LRP1B: variants seen among roughly 807,000 people sequenced by gnomAD.
The protein encoded by LRP1B is low-density lipoprotein receptor-related protein 1B.
A neutral mutation model predicts 556.6 loss-of-function variants in LRP1B; 217 were observed. That is an observed-to-expected ratio of 0.39 (90% confidence interval 0.35 to 0.44). The LOEUF is 0.44. LRP1B is among the 20% of genes least tolerant of loss of function. The probability of loss-of-function intolerance (pLI) is 1.00; values close to 1 mark genes in which losing one functional copy is unlikely to be tolerated. For missense variants in LRP1B, 5,053 were observed against 5,620.8 expected, an observed-to-expected ratio of 0.90 and a Z score of 3.23; for synonymous variants, 2,047 against 1,865.8, an observed-to-expected ratio of 1.10 and a Z score of -2.50.
At chr2:141,856,972 C>T (rs924513923) in intron 1 of LRP1B, among the ~76,000 whole-genome samples, 1 of 151,008 alleles carries the variant, frequency 6.6e-6, no homozygotes, top group African/African-American at 2.4e-5. Flanking sequence ...GGTTGTGTGG[C>T]CTGGACTGTA....
chr2:141,381,737 A>C (rs533250380), intron 3 of LRP1B, among the ~76,000 whole-genome samples: 36 of 152,298 alleles, frequency 2.4e-4, no homozygotes, highest in African/African-American at 8.7e-4. Flanking sequence ...AGGATAATAT[A>C]CTCAGAGTCC....
chr2:141,792,069 C>A (rs940682330), intron 2 of LRP1B, among the ~76,000 whole-genome samples: 1 of 151,340 alleles, frequency 6.6e-6, no homozygotes, highest in African/African-American at 2.4e-5. Context: ...GTATCAGTGC[C>A]GAATCCCAAG....
intron 1 of LRP1B, among the ~76,000 whole-genome samples, chr2:141,876,918 TGA>T (rs1367207949): frequency 6.6e-6 from 1 of 151,962 alleles, no homozygotes; most frequent in Non-Finnish European, 1.5e-5. Context: ...ACTTTGGCAT[TGA>T]ATCAATCTAA....
intron 1 of LRP1B, among the ~76,000 whole-genome samples, chr2:141,976,015 A>G (rs1237454157): frequency 1.3e-5 from 2 of 150,344 alleles, no homozygotes; most frequent in Non-Finnish European, 2.9e-5. Flanking sequence ...TACTAATATA[A>G]TGGACTATAA....
At chr2:141,693,969 A>T (rs534665758) in intron 2 of LRP1B, among the ~76,000 whole-genome samples, 2 of 152,088 alleles carry the variant, frequency 1.3e-5, no homozygotes, top group Non-Finnish European at 2.9e-5. Flanking sequence ...AAACACAAAC[A>T]AAGTGGACTA....
At chr2:140,714,881 G>A (rs760796287) in intron 37 of LRP1B, among the ~76,000 whole-genome samples, 4 of 151,858 alleles carry the variant, frequency 2.6e-5, no homozygotes, top group Non-Finnish European at 4.4e-5. Flanking sequence ...CAGCTACCAG[G>A]CAAATCAATA....
intron 3 of LRP1B, among the ~76,000 whole-genome samples, chr2:141,295,316 T>G (rs942338186): frequency 6.6e-6 from 1 of 152,226 alleles, no homozygotes; most frequent in African/African-American, 2.4e-5. Context: ...GTTTTGGGTT[T>G]ACAAAAGAGA....
intron 41 of LRP1B, among the ~76,000 whole-genome samples, chr2:140,694,169 T>C (rs1233369197): frequency 6.6e-6 from 1 of 152,238 alleles, no homozygotes; most frequent in African/African-American, 2.4e-5. Flanking sequence ...GAAACATATA[T>C]ACTTAGCTAC....
At chr2:141,671,456 A>C (rs1460779970) in intron 2 of LRP1B, among the ~76,000 whole-genome samples, 1 of 152,120 alleles carries the variant, frequency 6.6e-6, no homozygotes, top group Non-Finnish European at 1.5e-5. Context: ...GGCCAGCCTG[A>C]TTCCGCAGGG....
intron 16 of LRP1B, chr2:140,992,604 T>C (rs556155607): frequency 6.6e-5 from 10 of 152,118 alleles, no homozygotes; most frequent in Non-Finnish European, 1.2e-4. Context: ...CAAATCAAAC[T>C]CCTTGTTCTA....
intron 2 of LRP1B, among the ~76,000 whole-genome samples, chr2:141,760,190 T>C (rs1310275593): frequency 2.0e-5 from 3 of 152,154 alleles, no homozygotes; most frequent in South Asian, 2.1e-4. Flanking sequence ...CATTATGAAA[T>C]TGATAACCAA....
intron 32 of LRP1B, among the ~76,000 whole-genome samples, chr2:140,778,586 C>A (rs1689580731): frequency 6.6e-6 from 1 of 151,752 alleles, no homozygotes; most frequent in East Asian, 1.9e-4. Context: ...ACAAGCTGAG[C>A]CAAAATCATG....
chr2:142,086,520 G>A (rs943032617), intron 1 of LRP1B, among the ~76,000 whole-genome samples: 4 of 151,938 alleles, frequency 2.6e-5, no homozygotes, highest in Non-Finnish European at 5.9e-5. Context: ...CAGGAGAAAC[G>A]TTTGAACCCG....
At chr2:140,887,468 C>T (rs899132103) in intron 23 of LRP1B, among the ~76,000 whole-genome samples, 4 of 152,004 alleles carry the variant, frequency 2.6e-5, no homozygotes, top group Non-Finnish European at 5.9e-5. Context: ...ATTTTTCCTC[C>T]ACTCATATTC....
chr2:140,665,471 C>G (rs1051006434), intron 41 of LRP1B, among the ~76,000 whole-genome samples: 12 of 152,118 alleles, frequency 7.9e-5, no homozygotes, highest in African/African-American at 2.9e-4. Context: ...GTTATCCCAC[C>G]AAGTCATTCT....
chr2:141,413,917 A>G (rs1271412384), intron 3 of LRP1B, among the ~76,000 whole-genome samples: 2 of 150,482 alleles, frequency 1.3e-5, no homozygotes, highest in Admixed American at 6.6e-5. Flanking sequence ...AGAAGAGAAG[A>G]GAACAGAAGA....
At chr2:141,163,207 G>A (rs1680110493) in intron 7 of LRP1B, among the ~76,000 whole-genome samples, 1 of 152,022 alleles carries the variant, frequency 6.6e-6, no homozygotes, top group African/African-American at 2.4e-5. Context: ...GTTTTCTCAA[G>A]CTCTTCTTTT....
chr2:140,311,486 G>A (rs1183651772), intron 83 of LRP1B, among the ~76,000 whole-genome samples: 2 of 151,818 alleles, frequency 1.3e-5, no homozygotes, highest in Non-Finnish European at 2.9e-5. Flanking sequence ...TGTACACGTA[G>A]ACATGTTGTG....
chr2:141,479,509 TTG>T (rs1229462018), intron 3 of LRP1B, among the ~76,000 whole-genome samples: 30 of 152,196 alleles, frequency 2.0e-4, no homozygotes, highest in African/African-American at 6.8e-4. Context: ...CTATTCTTTG[TTG>T]TCTTACTGAC....
Sources: gnomAD v4.1 joint callset for allele counts (sites outside exome capture counted in the v4.1 genomes callset) on GRCh38, gnomAD v4.1.1 for gene constraint, MANE v1.5 for transcripts, NCBI Gene and HGNC (gene_info 2026-07-23, HGNC 2026-07-21) for gene names.